The following FMN1 variants were observed in gnomAD, a reference collection of about 807,000 sequenced individuals.
FMN1 encodes formin-1.
In FMN1, 110 loss-of-function variants were observed where a neutral mutation model predicts 132.4. The ratio of observed to expected loss-of-function variants is 0.83; its 90% CI spans 0.71 to 0.97. The LOEUF (loss-of-function observed/expected upper bound fraction) is 0.97, where lower values mean the gene tolerates loss of function less well. Ranked by LOEUF, FMN1 falls within the 50% of genes least tolerant of loss-of-function variation. The pLI, the probability that FMN1 is intolerant of heterozygous loss-of-function variation, is 0.00. For missense variants in FMN1, 1,792 were observed against 1,705.3 expected (o/e 1.05, Z -0.90); for synonymous variants, 722 against 651.7 (o/e 1.11, Z -1.64).
At position 32,772,749 on chromosome 15, in the gene FMN1, C is replaced by T. The variant is rs1415066242; in HGVS notation, c.*1561G>A. The T allele has an allele frequency of 1.1e-4, 17 of 152,200 alleles. 1 individual carries two copies. Among genetic ancestry groups the T allele is most frequent in the Admixed American group, 9.2e-4 (14 of 15,282 alleles). The allele number at this position is 152,200 out of a possible 1,614,324, so 9.4% of individuals were successfully genotyped here. On this transcript the variant is annotated 3_prime_UTR_variant, in exon 21 of 21. Transcript: ENST00000616417. ...TGATCCTGACTGCAGTCTTCATTCT[C>T]GAAGCTGACATTAGATTAGGATATG...
chr15:33,133,730 GTT>G (rs1414658272), intron 4 of FMN1, among the ~76,000 whole-genome samples: 1 of 152,090 alleles, frequency 6.6e-6, no homozygotes, highest in Admixed American at 6.6e-5. Flanking sequence ...GTTTCTACCC[GTT>G]TTATAATAAA....
chr15:32,781,196 AG>A (rs1419289123), intron 19 of FMN1, among the ~76,000 whole-genome samples: 1 of 152,232 alleles, frequency 6.6e-6, no homozygotes, highest in Non-Finnish European at 1.5e-5. Flanking sequence ...TCTTCAAAAT[AG>A]TAAATACTTA....
chr15:32,893,057 T>C (rs2060070143), intron 15 of FMN1, among the ~76,000 whole-genome samples: 1 of 152,230 alleles, frequency 6.6e-6, no homozygotes, highest in Non-Finnish European at 1.5e-5. Context: ...ACATCTAATT[T>C]ATCACTATGT....
At chr15:32,982,968 C>A (rs887944909) in intron 7 of FMN1, among the ~76,000 whole-genome samples, 6 of 152,126 alleles carry the variant, frequency 3.9e-5, no homozygotes, top group Non-Finnish European at 8.8e-5. Context: ...CATAATAAAT[C>A]TCTTCATATA....
chr15:33,151,246 C>T (rs925722875), intron 4 of FMN1: 3 of 1,535,682 alleles, frequency 2.0e-6, no homozygotes, highest in Non-Finnish European at 2.6e-6. Context: ...TTACCCATAT[C>T]AAAAAAAGCT....
intron 4 of FMN1, among the ~76,000 whole-genome samples, chr15:33,128,039 G>A (rs573559137): frequency 1.3e-5 from 2 of 152,230 alleles, no homozygotes; most frequent in African/African-American, 4.8e-5. Flanking sequence ...GCCCAGACAC[G>A]ACACAGGTCA....
chr15:33,151,417 G>T, intron 4 of FMN1: 2 of 1,533,874 alleles, frequency 1.3e-6, no homozygotes, highest in Non-Finnish European at 1.7e-6. Context: ...GTGATTGCAC[G>T]GAGAGGCCAA....
At chr15:33,124,147 T>C (rs563176973) in intron 4 of FMN1, among the ~76,000 whole-genome samples, 2 of 152,264 alleles carry the variant, frequency 1.3e-5, no homozygotes, top group African/African-American at 2.4e-5. Flanking sequence ...CTAGATCCAA[T>C]AGATCAGCTT....
intron 5 of FMN1, among the ~76,000 whole-genome samples, chr15:33,078,377 T>TAC (rs2038307049): frequency 6.6e-6 from 1 of 152,298 alleles, no homozygotes; most frequent in East Asian, 1.9e-4. Context: ...CTCCATGTGG[T>TAC]ACATCATTTT....
intron 16 of FMN1, among the ~76,000 whole-genome samples, chr15:32,867,359 C>A (rs1465728007): frequency 6.6e-6 from 1 of 152,236 alleles, no homozygotes; most frequent in Non-Finnish European, 1.5e-5. Context: ...GCTCTCCCTG[C>A]CACAGTGGCC....
intron 6 of FMN1, among the ~76,000 whole-genome samples, chr15:33,058,495 C>T (rs780987543): frequency 6.6e-5 from 10 of 152,196 alleles, no homozygotes; most frequent in Non-Finnish European, 1.0e-4. Context: ...GCTCAATGAA[C>T]GGTAGTTGAA....
chr15:33,150,692 G>C, intron 4 of FMN1: 1 of 985,444 alleles, frequency 1.0e-6, no homozygotes, highest in South Asian at 4.7e-5. Flanking sequence ...AAACAGATCT[G>C]ATTACTTTTG....
At chr15:32,881,871 C>T (rs887444398) in intron 16 of FMN1, among the ~76,000 whole-genome samples, 2 of 152,160 alleles carry the variant, frequency 1.3e-5, no homozygotes, top group African/African-American at 4.8e-5. Flanking sequence ...AACTTCCACA[C>T]ATGGAAGAGA....
chr15:32,947,024 T>C (rs1346405098), intron 9 of FMN1, among the ~76,000 whole-genome samples: 1 of 152,204 alleles, frequency 6.6e-6, no homozygotes, highest in African/African-American at 2.4e-5. Flanking sequence ...CAAGGTGTCT[T>C]GATGAGCAAG....
chr15:32,918,248 A>C (rs760866544), intron 10 of FMN1, among the ~76,000 whole-genome samples: 1 of 152,190 alleles, frequency 6.6e-6, no homozygotes, highest in African/African-American at 2.4e-5. Flanking sequence ...CTGACTAACA[A>C]GGAAAACTAA....
intron 17 of FMN1, among the ~76,000 whole-genome samples, chr15:32,819,098 A>C (rs555194596): frequency 6.6e-6 from 1 of 152,316 alleles, no homozygotes; most frequent in African/African-American, 2.4e-5. Context: ...GAAGGCAGGC[A>C]AGGCGAGCTG....
At chr15:32,804,763 T>C (rs1567195407) in intron 17 of FMN1, among the ~76,000 whole-genome samples, 1 of 151,668 alleles carries the variant, frequency 6.6e-6, no homozygotes, top group African/African-American at 2.4e-5. Flanking sequence ...ATGCAGTGTT[T>C]GGTTTTCTGT....
intron 4 of FMN1, among the ~76,000 whole-genome samples, chr15:33,119,463 A>G (rs1349698780): frequency 3.3e-5 from 5 of 152,238 alleles, no homozygotes; most frequent in African/African-American, 9.6e-5. Context: ...CAACTGCTAC[A>G]GTGCCACCCA....
chr15:32,917,570 G>A lies in FMN1; in HGVS notation c.3227-7035C>T, dbSNP rs529683955. 5.9e-5 allele frequency among the ~76,000 whole-genome samples: 9 copies of A among 152,336 alleles called. No individual in the cohort carries two copies. In the East Asian group the frequency reaches 9.7e-4, roughly 16 times the overall value. On this transcript the variant is annotated intron_variant, in intron 10 of 20. Transcript: ENST00000616417. ...CTAAGTGTTTTGTATTTAATCATAT[G>A]AGGCGGGTGCGTTTGTTGTTTCTAG...
Sources: allele counts gnomAD v4.1 joint callset (sites outside exome capture counted in the v4.1 genomes callset), GRCh38; gene constraint gnomAD v4.1.1; transcripts MANE v1.5; gene names NCBI Gene and HGNC (gene_info 2026-07-23, HGNC 2026-07-21).